Variants in KYNU observed in about 807,000 individuals in gnomAD.
KYNU encodes L-kynurenine hydrolase.
A neutral mutation model predicts 59.2 loss-of-function variants in KYNU; 54 were observed. That is an observed-to-expected ratio of 0.91 (90% CI 0.73 to 1.14). The LOEUF (loss-of-function observed/expected upper bound fraction) is 1.14. Ranked by LOEUF, KYNU falls within the 50% of genes most tolerant of loss-of-function variation. The pLI is 0.00. For synonymous variants in KYNU, 177 were observed against 192.0 expected (o/e 0.92, Z 0.65); for missense variants, 567 against 554.4 (o/e 1.02, Z -0.23).
chr2:142,878,279 C>G (rs1396662497), intron 1 of KYNU, among the ~76,000 whole-genome samples: 1 of 151,634 alleles, frequency 6.6e-6, no homozygotes, highest in Non-Finnish European at 1.5e-5. Flanking sequence ...TTCTTTTTTC[C>G]TTTCTGCTTT....
chr2:142,968,689 G>A (rs1046397133), intron 8 of KYNU, among the ~76,000 whole-genome samples: 1 of 152,130 alleles, frequency 6.6e-6, no homozygotes, highest in Non-Finnish European at 1.5e-5. Flanking sequence ...TGAAGCAAGT[G>A]GATTGCGTGA....
chr2:142,995,834 T>C (rs951979367), intron 10 of KYNU, among the ~76,000 whole-genome samples: 32 of 152,266 alleles, frequency 2.1e-4, no homozygotes, highest in African/African-American at 6.7e-4. Context: ...CTCTGTTTGC[T>C]CCTTCTCTCA....
rs528414205 is a variant in KYNU, at chr2:143,029,781, C to T, written c.955+102C>T. 8.2e-6 allele frequency: 6 copies of T among 731,464 alleles called. No homozygotes were observed. The East Asian group carries it at 1.0e-4, about 13-fold the overall frequency. The allele number at this position is 731,464 out of a possible 1,614,324, so 45.3% of individuals were successfully genotyped here. Reference sequence around the variant, plus strand: ...TAATGTATATGCCCCAGGGAGAGTGCACTTCAAAAATGTCACTGAGAATTC... The same window carrying T: ...TAATGTATATGCCCCAGGGAGAGTGTACTTCAAAAATGTCACTGAGAATTC... On this transcript the variant is annotated intron_variant, in intron 11 of 13. Coordinates refer to ENST00000264170, the MANE Select transcript of KYNU (RefSeq NM_003937.3).
chr2:142,882,675 C>T (rs950760607), intron 1 of KYNU, among the ~76,000 whole-genome samples: 23 of 152,194 alleles, frequency 1.5e-4, no homozygotes, highest in Non-Finnish European at 2.6e-4. Flanking sequence ...TTTTTTATGG[C>T]TGCATAGTAT....
At chr2:142,891,787 A>G (rs906299331) in intron 2 of KYNU, among the ~76,000 whole-genome samples, 2 of 152,230 alleles carry the variant, frequency 1.3e-5, no homozygotes, top group Non-Finnish European at 2.9e-5. Context: ...TGTTAAATAA[A>G]AGATTTTATC....
intron 1 of KYNU, among the ~76,000 whole-genome samples, chr2:142,884,276 A>G (rs1681411700): frequency 6.6e-6 from 1 of 152,228 alleles, no homozygotes; most frequent in African/African-American, 2.4e-5. Flanking sequence ...TTTGGTATTC[A>G]TATGAACAAA....
Position 142,918,755 on chromosome 2 carries a change from C to T in KYNU, c.290+26C>T, listed in dbSNP as rs115844222. 2,270 of 1,599,198 alleles carry T rather than the reference C, an allele frequency of 1.4e-3. 26 individuals are homozygous for T. In the African/African-American group the frequency reaches 0.027, roughly 19 times the overall value. On this transcript the variant is annotated intron_variant, in intron 3 of 13. Transcript: ENST00000264170. ...GTAAGTATTATTTTAAAAGCTACTA[C>T]TCTACATCTCATACAAAAATTTACA...
At chr2:142,944,591 G>A (rs776836808) in intron 4 of KYNU, among the ~76,000 whole-genome samples, 1 of 152,044 alleles carries the variant, frequency 6.6e-6, no homozygotes. Context: ...TGGAGCTCTT[G>A]ATGTTTCCAC....
At chr2:142,971,400 CA>C (rs1299946281) in intron 8 of KYNU, 1 of 151,992 alleles carries the variant, frequency 6.6e-6, no homozygotes, top group African/African-American at 2.4e-5. Flanking sequence ...CCAACTCGTA[CA>C]TTGCTTGACT....
At chr2:142,892,039 A>T (rs571118252) in intron 2 of KYNU, among the ~76,000 whole-genome samples, 5 of 151,986 alleles carry the variant, frequency 3.3e-5, no homozygotes, top group African/African-American at 1.2e-4. Flanking sequence ...CAGCCCCCCA[A>T]TTAGGTGGGA....
intron 2 of KYNU, among the ~76,000 whole-genome samples, chr2:142,901,031 C>T (rs13010597): frequency 0.14 from 19,297 of 141,700 alleles, 1,944 homozygotes; most frequent in African/African-American, 0.29. Context: ...CTGGCCTTGG[C>T]GAAAGAGCGA....
intron 2 of KYNU, among the ~76,000 whole-genome samples, chr2:142,916,751 A>C (rs933298775): frequency 1.3e-5 from 2 of 152,228 alleles, no homozygotes; most frequent in African/African-American, 4.8e-5. Flanking sequence ...AGGGAATAAG[A>C]AGCAAAGGCA....
chr2:142,975,970 T>C (rs1389567771), intron 8 of KYNU, among the ~76,000 whole-genome samples: 1 of 152,192 alleles, frequency 6.6e-6, no homozygotes, highest in East Asian at 1.9e-4. Flanking sequence ...GGATTTCTTA[T>C]CTTCAAAATT....
At chr2:142,925,945 G>T (rs1683034746) in intron 3 of KYNU, among the ~76,000 whole-genome samples, 1 of 152,152 alleles carries the variant, frequency 6.6e-6, no homozygotes, top group South Asian at 2.1e-4. Flanking sequence ...GAAAAAATGG[G>T]TTTTATTCTT....
In KYNU at chr2:143,052,987, C is replaced by T. The variant is rs1194963873; in HGVS notation, c.*10815C>T. On this transcript the variant is annotated 3_prime_UTR_variant, in exon 14 of 14. Transcript: ENST00000264170. ...TACCCTGCAAAGCCACAGGGGCGGA[C>T]CTGCTCAAGGCTGTGGGAGACCACC... The T allele has an allele frequency of 1.3e-5, 2 of 152,346 alleles. No individual in the cohort carries two copies. The highest frequency in any genetic ancestry group is 2.9e-5 in the Non-Finnish European group (2 of 68,146). The allele number at this position is 152,346 out of a possible 1,614,324, so 9.4% of individuals were successfully genotyped here. A position where few individuals can be genotyped will look rare whatever the true frequency, so the allele number is the denominator to read the frequency against.
intron 7 of KYNU, among the ~76,000 whole-genome samples, chr2:142,959,758 G>GAA (rs11454554): frequency 2.6e-5 from 4 of 151,758 alleles, no homozygotes; most frequent in Middle Eastern, 3.2e-3. Flanking sequence ...AAGATATAAG[G>GAA]AAAAAACCCT....
intron 2 of KYNU, among the ~76,000 whole-genome samples, chr2:142,910,250 C>T (rs932498084): frequency 1.3e-5 from 2 of 149,890 alleles, no homozygotes; most frequent in Admixed American, 1.3e-4. Context: ...GATTCTCTTG[C>T]CTCAGCCTCC....
At chr2:142,958,044 G>A (rs1684226004) in intron 7 of KYNU, 3 of 270,374 alleles carry the variant, frequency 1.1e-5, no homozygotes, top group South Asian at 4.2e-5. Flanking sequence ...TCATGCCCAT[G>A]GGTGCCATTA....
rs896466682 is a variant in KYNU at position 142,929,065 on chromosome 2, C to A, written c.373+1324C>A. 4.9e-5 allele frequency among the ~76,000 whole-genome samples: 7 copies of A among 144,182 alleles called. No individual in the cohort carries two copies. The East Asian group carries it at 8.3e-4, about 17-fold the overall frequency. 94.6% of individuals were successfully genotyped at this position (144,182 alleles called of 152,430 possible). A position where few individuals can be genotyped will look rare whatever the true frequency, so the allele number is the denominator to read the frequency against. On this transcript the variant is annotated intron_variant, in intron 4 of 13. Transcript: ENST00000264170. ...CACTCACCTTCCTTATCCTCATAGA[C>A]TGCCAGTAAAGGAAGATGCAAATAA...
Sources: allele counts gnomAD v4.1 joint callset (sites outside exome capture counted in the v4.1 genomes callset), GRCh38; gene constraint gnomAD v4.1.1; transcripts MANE v1.5; gene names NCBI Gene and HGNC (gene_info 2026-07-23, HGNC 2026-07-21).